Variants in FRMD4B observed in about 807,000 individuals in gnomAD.
FRMD4B encodes FERM domain-containing protein 4B.
Under a neutral mutation model 141.5 loss-of-function variants are expected in FRMD4B, and 74 were observed. The ratio of observed to expected loss-of-function variants is 0.52; its 90% CI spans 0.43 to 0.63. The LOEUF (loss-of-function observed/expected upper bound fraction) is 0.63. FRMD4B is among the 30% of genes least tolerant of loss of function. FRMD4B has a pLI of 0.00. For synonymous variants in FRMD4B, 506 were observed against 467.9 expected (o/e 1.08, Z -1.05); for missense variants, 1,366 against 1,253.4 (o/e 1.09, Z -1.36).
chr3:69,535,132 G>A (rs139750873), intron 1 of FRMD4B, among the ~76,000 whole-genome samples: 1 of 152,324 alleles, frequency 6.6e-6, no homozygotes, highest in Non-Finnish European at 1.5e-5. Flanking sequence ...ACAAAAAAAG[G>A]TTAAGTCACT....
intron 7 of FRMD4B, among the ~76,000 whole-genome samples, chr3:69,246,939 C>T (rs915087470): frequency 1.3e-5 from 2 of 152,168 alleles, no homozygotes; most frequent in African/African-American, 4.8e-5. Flanking sequence ...TCCTTTGCCT[C>T]AGGCAAGGGA....
At chr3:69,507,796 A>T (rs1706622721) in intron 1 of FRMD4B, among the ~76,000 whole-genome samples, 2 of 152,236 alleles carry the variant, frequency 1.3e-5, no homozygotes, top group Non-Finnish European at 2.9e-5. Context: ...TAGAGTTTAC[A>T]GAACTAAGCC....
chr3:69,203,320 C>CAAAAAAAAAAAAAAAAAAA (rs796607832), intron 11 of FRMD4B, among the ~76,000 whole-genome samples: 1 of 107,896 alleles, frequency 9.3e-6, no homozygotes, highest in African/African-American at 3.7e-5. Context: ...CAAACTTCAG[C>CAAAAAAAAAAAAAAAAAAA]AAAAAAAAAA....
At chr3:69,445,929 T>C (rs1402658931) in intron 1 of FRMD4B, among the ~76,000 whole-genome samples, 1 of 152,246 alleles carries the variant, frequency 6.6e-6, no homozygotes, top group Non-Finnish European at 1.5e-5. Flanking sequence ...GAGGGAGATA[T>C]TGCTTTGTCC....
intron 10 of FRMD4B, 44 bp from the exon 11 acceptor site, chr3:69,216,393 T>C (rs1162191199): frequency 2.3e-6 from 2 of 873,990 alleles, no homozygotes; most frequent in Non-Finnish European, 3.7e-6. Flanking sequence ...AGCTGTTAAC[T>C]CTTCTAGAAG....
chr3:69,452,385 T>A (rs9310154), intron 1 of FRMD4B, among the ~76,000 whole-genome samples: 101,289 of 152,132 alleles, frequency 0.67, 34,385 homozygotes, highest in East Asian at 0.83. Flanking sequence ...AAAAGCGAAA[T>A]CTTTTCTTGC....
intron 1 of FRMD4B, among the ~76,000 whole-genome samples, chr3:69,456,566 C>T (rs1705618316): frequency 6.6e-6 from 1 of 152,104 alleles, no homozygotes; most frequent in Non-Finnish European, 1.5e-5. Context: ...ACTTTCAGAG[C>T]ACTTACTATG....
chr3:69,511,327 C>T (rs1413334937), intron 1 of FRMD4B, among the ~76,000 whole-genome samples: 1 of 151,818 alleles, frequency 6.6e-6, no homozygotes, highest in African/African-American at 2.4e-5. Flanking sequence ...TTTTAATGTT[C>T]AGGTTGCCTT....
chr3:69,182,227 T>A (rs2092715908), intron 20 of FRMD4B, among the ~76,000 whole-genome samples: 1 of 152,140 alleles, frequency 6.6e-6, no homozygotes, highest in African/African-American at 2.4e-5. Context: ...AAACAATATA[T>A]AATATCTACC....
intron 9 of FRMD4B, among the ~76,000 whole-genome samples, chr3:69,220,808 T>C (rs6764830): frequency 0.98 from 148,404 of 152,156 alleles, 72,495 homozygotes; most frequent in Middle Eastern, 1. Context: ...GAGATGAGAT[T>C]GCATCACGGC....
intron 1 of FRMD4B, among the ~76,000 whole-genome samples, chr3:69,376,177 G>A (rs999707946): frequency 1.3e-5 from 2 of 152,054 alleles, no homozygotes; most frequent in Non-Finnish European, 2.9e-5. Flanking sequence ...CTTCAGGGCA[G>A]GATTTTCTAG....
In FRMD4B at chr3:69,520,124, A is replaced by AAT. The variant is rs57977360; in HGVS notation, c.-129+22080_-129+22081dup. Among the ~76,000 whole-genome samples the AAT allele has an allele frequency of 3.2e-3, 382 of 118,524 alleles. 44 individuals are homozygous for AAT. The highest frequency in any genetic ancestry group is 0.014 in the African/African-American group (377 of 26,490). 77.8% of individuals were successfully genotyped at this position (118,524 alleles called of 152,430 possible). On this transcript the variant is annotated intron_variant, in intron 1 of 5. Transcript: ENST00000459638. ...AAAATGGACTATATATATATGATGG[A>AAT]ATATATATATGATGGAATATATATA...
At chr3:69,500,438 A>G (rs145101979) in intron 1 of FRMD4B, among the ~76,000 whole-genome samples, 1 of 152,282 alleles carries the variant, frequency 6.6e-6, no homozygotes, top group African/African-American at 2.4e-5. Context: ...GACACTTGGT[A>G]AAGTGTCCTA....
chr3:69,439,124 T>C (rs1705305205), intron 1 of FRMD4B, among the ~76,000 whole-genome samples: 1 of 152,150 alleles, frequency 6.6e-6, no homozygotes, highest in South Asian at 2.1e-4. Context: ...TTTTAAAACT[T>C]TTTATAAAGA....
Position 69,255,653 on chromosome 3 carries a change from T to C in FRMD4B, c.502-5554A>G, listed in dbSNP as rs61046042. On this transcript the variant is annotated intron_variant, in intron 5 of 22. Transcript: ENST00000398540. ...CTCTTTTTTTGAGCAGACAATTCCA[T>C]TATCTTGGATAATTACTTCTTTCCC... 1.9e-3 allele frequency among the ~76,000 whole-genome samples: 297 copies of C among 152,320 alleles called. 1 individual carries two copies. Among genetic ancestry groups the C allele is most frequent in the African/African-American group, 6.9e-3 (287 of 41,574 alleles).
intron 1 of FRMD4B, among the ~76,000 whole-genome samples, chr3:69,505,032 C>T (rs1706571948): frequency 6.6e-6 from 1 of 152,070 alleles, no homozygotes; most frequent in Admixed American, 6.6e-5. Context: ...ATTCTATCCT[C>T]TTTTGGATAT....
chr3:69,451,803 G>A (rs1021018923), intron 1 of FRMD4B, among the ~76,000 whole-genome samples: 5 of 152,160 alleles, frequency 3.3e-5, no homozygotes, highest in Non-Finnish European at 7.3e-5. Flanking sequence ...TCCCAGCTCT[G>A]TACTAAGGCC....
At chr3:69,298,313 C>G (rs186121343) in intron 4 of FRMD4B, among the ~76,000 whole-genome samples, 1 of 152,292 alleles carries the variant, frequency 6.6e-6, no homozygotes, top group Admixed American at 6.5e-5. Flanking sequence ...TTCTCATAAC[C>G]AACTTGCACC....
intron 1 of FRMD4B, among the ~76,000 whole-genome samples, chr3:69,346,391 A>C (rs1250954868): frequency 6.6e-6 from 1 of 152,188 alleles, no homozygotes; most frequent in Non-Finnish European, 1.5e-5. Flanking sequence ...AATGGAACCA[A>C]GTTGGAAAAC....
Sources: allele counts gnomAD v4.1 joint callset (sites outside exome capture counted in the v4.1 genomes callset), GRCh38; gene constraint gnomAD v4.1.1; transcripts MANE v1.5; gene names NCBI Gene and HGNC (gene_info 2026-07-23, HGNC 2026-07-21).